The following LRP1B variants were observed in gnomAD, a reference collection of about 807,000 sequenced individuals.
The protein encoded by LRP1B is low-density lipoprotein receptor-related protein 1B.
Under a neutral mutation model 556.6 loss-of-function variants are expected in LRP1B, and 217 were observed. That is an observed-to-expected ratio of 0.39 (90% confidence interval 0.35 to 0.44). The LOEUF is 0.44. Ranked by LOEUF, LRP1B falls within the 20% of genes least tolerant of loss-of-function variation. LRP1B has a pLI of 1.00. For synonymous variants in LRP1B, 2,047 were observed against 1,865.8 expected, an observed-to-expected ratio of 1.10 and a Z score of -2.50; for missense variants, 5,053 against 5,620.8, an observed-to-expected ratio of 0.90 and a Z score of 3.23.
At chr2:141,933,512 A>G (rs925013325) in intron 1 of LRP1B, among the ~76,000 whole-genome samples, 1 of 152,176 alleles carries the variant, frequency 6.6e-6, no homozygotes, top group African/African-American at 2.4e-5. Flanking sequence ...GACTCTCCCC[A>G]TGTCATGACA....
At chr2:141,500,486 T>A (rs778370174) in intron 2 of LRP1B, among the ~76,000 whole-genome samples, 2 of 152,126 alleles carry the variant, frequency 1.3e-5, no homozygotes, top group African/African-American at 2.4e-5. Context: ...TAGTACTAGG[T>A]ACCATATGTT....
rs181756587 is a variant in LRP1B at position 141,043,939 on chromosome 2, C to A, written c.1789+5047G>T. 2.4e-3 allele frequency among the ~76,000 whole-genome samples: 368 copies of A among 151,876 alleles called. 2 individuals carry two copies. Among genetic ancestry groups the A allele is most frequent in the African/African-American group, 8.3e-3 (346 of 41,456 alleles). On this transcript the variant is annotated intron_variant, in intron 11 of 90. Coordinates refer to ENST00000389484, the MANE Select transcript of LRP1B (RefSeq NM_018557.3). Reference sequence around the variant, plus strand: ...AACTACTTTAAAGTTCATATGGAACCAAAAAAGAGCTCGCATCACCAAGTC... The same window carrying A: ...AACTACTTTAAAGTTCATATGGAACAAAAAAAGAGCTCGCATCACCAAGTC...
chr2:141,061,751 C>T (rs1032465422), intron 8 of LRP1B, among the ~76,000 whole-genome samples: 1 of 151,750 alleles, frequency 6.6e-6, no homozygotes, highest in Non-Finnish European at 1.5e-5. Context: ...TAACATCTGA[C>T]CTATTTTAAT....
At chr2:140,536,783 T>C (rs2105004735) in intron 45 of LRP1B, 74 bp from the exon 46 acceptor site, 1 of 1,135,146 alleles carries the variant, frequency 8.8e-7, no homozygotes, top group Non-Finnish European at 1.2e-6. Context: ...CAATTATTTT[T>C]CTTAATTTTA....
At chr2:141,533,986 C>T (rs1180170324) in intron 2 of LRP1B, among the ~76,000 whole-genome samples, 1 of 151,968 alleles carries the variant, frequency 6.6e-6, no homozygotes, top group African/African-American at 2.4e-5. Context: ...AACAATGTTT[C>T]AAGAGTGGTT....
chr2:141,805,798 T>C (rs1363785231), intron 2 of LRP1B: 1 of 152,164 alleles, frequency 6.6e-6, no homozygotes, highest in Non-Finnish European at 1.5e-5. Flanking sequence ...AGAGATCGTA[T>C]GGGCCTTTAA....
At chr2:140,289,756 T>C (rs989005148) in intron 84 of LRP1B, among the ~76,000 whole-genome samples, 3 of 151,986 alleles carry the variant, frequency 2.0e-5, no homozygotes, top group Non-Finnish European at 4.4e-5. Context: ...AAATAATTAA[T>C]TATTTTACCC....
chr2:142,013,303 T>G (rs528784344), intron 1 of LRP1B, among the ~76,000 whole-genome samples: 70 of 152,278 alleles, frequency 4.6e-4, no homozygotes, highest in African/African-American at 1.6e-3. Flanking sequence ...CTCTTAAAAC[T>G]GTATAAGCAA....
intron 41 of LRP1B, among the ~76,000 whole-genome samples, chr2:140,656,905 T>A (rs1684898710): frequency 6.6e-6 from 1 of 150,896 alleles, no homozygotes; most frequent in African/African-American, 2.4e-5. Context: ...CTAACTAGGG[T>A]CAATTTAAAA....
At chr2:141,237,855 C>G (rs1003872904) in intron 5 of LRP1B, among the ~76,000 whole-genome samples, 1 of 152,098 alleles carries the variant, frequency 6.6e-6, no homozygotes, top group African/African-American at 2.4e-5. Flanking sequence ...GAGGCATTTC[C>G]CCTGTTATCT....
At chr2:140,298,685 C>G (rs1683701059) in intron 83 of LRP1B, among the ~76,000 whole-genome samples, 1 of 152,006 alleles carries the variant, frequency 6.6e-6, no homozygotes, top group Non-Finnish European at 1.5e-5. Context: ...GACTATTTTT[C>G]TTTATTTACT....
At chr2:140,336,058 C>T (rs973258665) in intron 77 of LRP1B, among the ~76,000 whole-genome samples, 5 of 151,942 alleles carry the variant, frequency 3.3e-5, no homozygotes, top group African/African-American at 1.2e-4. Flanking sequence ...AACCAGATTG[C>T]ACCTGTTTAA....
At position 141,251,509 on chromosome 2, in the gene LRP1B, C is replaced by T. The variant is rs183772352; in HGVS notation, c.463+3013G>A. On this transcript the variant is annotated intron_variant, in intron 4 of 90. Coordinates refer to ENST00000389484, the MANE Select transcript of LRP1B (RefSeq NM_018557.3). ...TTCTAGTTTTGTTTTTGTTTTCTTT[C>T]AGCATAAAACAAATGTGAGAATATT... 7.1e-3 allele frequency among the ~76,000 whole-genome samples: 1,080 copies of T among 152,062 alleles called. 9 individuals carry two copies. Among genetic ancestry groups the T allele is most frequent in the Non-Finnish European group, 7.2e-3 (490 of 67,984 alleles).
At chr2:141,169,218 G>A (rs1680389852) in intron 7 of LRP1B, among the ~76,000 whole-genome samples, 1 of 151,400 alleles carries the variant, frequency 6.6e-6, no homozygotes, top group Non-Finnish European at 1.5e-5. Context: ...CCTGGGAGGT[G>A]AAGGTTGCAG....
chr2:140,687,578 T>A (rs1686093527), intron 41 of LRP1B, among the ~76,000 whole-genome samples: 2 of 152,076 alleles, frequency 1.3e-5, no homozygotes, highest in African/African-American at 4.8e-5. Context: ...CCACATGATT[T>A]TTTTTTTAGT....
At chr2:140,727,879 A>G (rs186523882) in intron 35 of LRP1B, among the ~76,000 whole-genome samples, 1 of 152,338 alleles carries the variant, frequency 6.6e-6, no homozygotes, top group East Asian at 1.9e-4. Context: ...AACAAATTAC[A>G]TTTGTTTCTT....
At chr2:140,256,545 T>C (rs1681699909) in intron 86 of LRP1B, among the ~76,000 whole-genome samples, 1 of 130,808 alleles carries the variant, frequency 7.6e-6, no homozygotes, top group Admixed American at 8.9e-5. Flanking sequence ...CTCAGCTCAC[T>C]GCAACCTCTG....
intron 7 of LRP1B, among the ~76,000 whole-genome samples, chr2:141,172,974 G>A (rs191665833): frequency 1.3e-5 from 2 of 151,498 alleles, no homozygotes; most frequent in East Asian, 3.9e-4. Flanking sequence ...TATTTATTGG[G>A]ATGTGACTAA....
At chr2:140,825,427 CT>C (rs202028363) in intron 31 of LRP1B, among the ~76,000 whole-genome samples, 6,889 of 145,390 alleles carry the variant, frequency 0.047, 174 homozygotes, top group Middle Eastern at 0.09. Context: ...ATAGGAAGTC[CT>C]TTTTTTTTTT....
Sources: allele counts gnomAD v4.1 joint callset (sites outside exome capture counted in the v4.1 genomes callset), GRCh38; gene constraint gnomAD v4.1.1; transcripts MANE v1.5; gene names NCBI Gene and HGNC (gene_info 2026-07-23, HGNC 2026-07-21).